Variants in DCC observed in about 807,000 individuals in gnomAD.
The protein encoded by DCC is netrin receptor DCC.
DCC carries 58 observed loss-of-function variants against 172.5 expected under a neutral mutation model. That is an observed-to-expected ratio of 0.34 (90% CI 0.27 to 0.42). The LOEUF is 0.42. DCC is among the 10% of genes least tolerant of loss of function. The pLI, the probability that DCC is intolerant of heterozygous loss-of-function variation, is 1.00. For synonymous variants in DCC, 709 were observed against 644.5 expected (o/e 1.10, Z -1.52); for missense variants, 1,740 against 1,791.0 (o/e 0.97, Z 0.51).
chr18:53,499,354 G>A lies in DCC; in HGVS notation c.3955G>A (p.Glu1319Lys). 6.2e-7 allele frequency: 1 copy of A among 1,614,046 alleles called. No individual in the cohort carries two copies. Among genetic ancestry groups the A allele is most frequent in the Non-Finnish European group, 8.5e-7 (1 of 1,179,992 alleles). ...ACCTATGCTGCCCCCATCTCAGCCT[G>A]AGCATTCTAGCAGCGAGGAGGCACC... Reference protein sequence around the residue: ...QPPMLPPSQPEHSSSEEAPSR... With the variant: ...QPPMLPPSQPKHSSSEEAPSR... The change falls in exon 27 of 29, where the codon GAG becomes AAG. Residue 1319 changes from glutamate to lysine, a missense_variant. Physicochemically the swap from Glu to Lys is moderately conservative, Grantham distance 56. Coordinates refer to ENST00000442544, the MANE Select transcript of DCC (RefSeq NM_005215.4).
At chr18:53,496,452 G>A (rs1205651560) in intron 26 of DCC, among the ~76,000 whole-genome samples, 1 of 70,682 alleles carries the variant, frequency 1.4e-5, no homozygotes, top group Non-Finnish European at 3.1e-5. Context: ...TCCATCCGAA[G>A]GTCACCAACA....
intron 1 of DCC, among the ~76,000 whole-genome samples, chr18:52,653,803 C>T (rs140571601): frequency 2.6e-5 from 4 of 152,282 alleles, no homozygotes; most frequent in Non-Finnish European, 5.9e-5. Flanking sequence ...TGCCTCTCAG[C>T]CTAACACTAA....
chr18:53,117,679 C>A lies in DCC; in HGVS notation c.1262-39677C>A, dbSNP rs189086265. On this transcript the variant is annotated intron_variant, in intron 7 of 28. Transcript: ENST00000442544. ...AAAATTCCTCTACAGCAGAGGTCAG[C>A]AAACTTTTTTTTGTAAAGACCAGGA... 9.3e-3 allele frequency among the ~76,000 whole-genome samples: 1,196 copies of A among 128,190 alleles called. 17 individuals carry two copies. Among genetic ancestry groups the A allele is most frequent in the African/African-American group, 0.029 (1,113 of 38,944 alleles). 84.1% of individuals were successfully genotyped at this position (128,190 alleles called of 152,430 possible).
chr18:52,450,501 G>A (rs1364772712), intron 1 of DCC, among the ~76,000 whole-genome samples: 1 of 152,126 alleles, frequency 6.6e-6, no homozygotes, highest in African/African-American at 2.4e-5. Context: ...TCTCAAAATT[G>A]TCCTGTTTTG....
intron 1 of DCC, among the ~76,000 whole-genome samples, chr18:52,585,240 A>T (rs533314604): frequency 6.6e-6 from 1 of 152,316 alleles, no homozygotes; most frequent in East Asian, 1.9e-4. Context: ...TGAGGAGTCA[A>T]AACTGTGGAT....
At chr18:52,475,847 T>C (rs1453751165) in intron 1 of DCC, among the ~76,000 whole-genome samples, 1 of 152,172 alleles carries the variant, frequency 6.6e-6, no homozygotes, top group Admixed American at 6.5e-5. Context: ...CCCCAGAAAC[T>C]CAGATCTTGA....
At chr18:52,874,051 TC>T (rs935112397) in intron 2 of DCC, among the ~76,000 whole-genome samples, 27 of 152,300 alleles carry the variant, frequency 1.8e-4, no homozygotes, top group African/African-American at 6.3e-4. Flanking sequence ...ACTTGTATTT[TC>T]ATCCTTTGTT....
intron 1 of DCC, among the ~76,000 whole-genome samples, chr18:52,648,854 T>G (rs1057460538): frequency 6.6e-6 from 1 of 152,198 alleles, no homozygotes; most frequent in Non-Finnish European, 1.5e-5. Context: ...CCCTTTATCA[T>G]GCAATTTTGC....
At chr18:52,934,419 T>C (rs2040352907) in intron 5 of DCC, among the ~76,000 whole-genome samples, 1 of 152,134 alleles carries the variant, frequency 6.6e-6, no homozygotes, top group South Asian at 2.1e-4. Flanking sequence ...CACAGCTAGA[T>C]AGGGAGAAAC....
chr18:52,500,940 C>G (rs868467955), intron 1 of DCC, among the ~76,000 whole-genome samples: 1 of 152,024 alleles, frequency 6.6e-6, no homozygotes, highest in Non-Finnish European at 1.5e-5. Flanking sequence ...GTAATTGACA[C>G]GTGGACATAT....
intron 2 of DCC, among the ~76,000 whole-genome samples, chr18:52,887,205 T>C (rs1310440093): frequency 6.6e-6 from 1 of 152,192 alleles, no homozygotes; most frequent in East Asian, 1.9e-4. Context: ...TTTGTGCTTT[T>C]ATCTAAATCC....
chr18:53,281,910 C>T (rs184409893), intron 12 of DCC, among the ~76,000 whole-genome samples: 7 of 152,068 alleles, frequency 4.6e-5, no homozygotes, highest in Admixed American at 6.6e-5. Context: ...TACACAGCTA[C>T]GCTGGGGTAG....
chr18:53,390,380 A>T (rs1269969431), intron 16 of DCC, among the ~76,000 whole-genome samples: 1 of 152,124 alleles, frequency 6.6e-6, no homozygotes, highest in Non-Finnish European at 1.5e-5. Flanking sequence ...AGGCATTTGA[A>T]ATGCAGTGGA....
At chr18:53,230,998 T>TG (rs1449259484) in intron 12 of DCC, among the ~76,000 whole-genome samples, 1 of 151,958 alleles carries the variant, frequency 6.6e-6, no homozygotes, top group Non-Finnish European at 1.5e-5. Flanking sequence ...GTGTTTTTTT[T>TG]TCTGAGACTA....
chr18:53,169,489 G>A (rs1394084673), intron 8 of DCC, among the ~76,000 whole-genome samples: 1 of 152,138 alleles, frequency 6.6e-6, no homozygotes, highest in African/African-American at 2.4e-5. Context: ...CAAGTGGCTT[G>A]ATTCCTTTAC....
chr18:52,619,309 C>A (rs1363142564), intron 1 of DCC, among the ~76,000 whole-genome samples: 2 of 152,210 alleles, frequency 1.3e-5, no homozygotes, highest in South Asian at 2.1e-4. Context: ...AGTATCCCTG[C>A]TAGATATATT....
Position 52,958,729 on chromosome 18 carries a change from A to C in DCC, c.985+33359A>C, listed in dbSNP as rs186402080. ...TAACTCACCTGAGTGACAGATGAGGAGGTGATATACTCAGCTGGAGAATAT... is the reference window on the plus strand; with the variant it reads ...TAACTCACCTGAGTGACAGATGAGGCGGTGATATACTCAGCTGGAGAATAT... On this transcript the variant is annotated intron_variant, in intron 5 of 28. Coordinates refer to ENST00000442544, the MANE Select transcript of DCC (RefSeq NM_005215.4). Among the ~76,000 whole-genome samples, 59 of 152,226 alleles carry C rather than the reference A, an allele frequency of 3.9e-4. 2 individuals are homozygous for C. The highest frequency in any genetic ancestry group is 1.0e-3 in the South Asian group (5 of 4,818).
At chr18:53,497,241 C>T (rs902919617) in intron 26 of DCC, among the ~76,000 whole-genome samples, 1 of 152,192 alleles carries the variant, frequency 6.6e-6, no homozygotes, top group African/African-American at 2.4e-5. Context: ...ATTTTCACTT[C>T]CCCAGAATTT....
At chr18:52,903,603 T>G (rs1269311680) in intron 2 of DCC, among the ~76,000 whole-genome samples, 1 of 152,216 alleles carries the variant, frequency 6.6e-6, no homozygotes, top group East Asian at 1.9e-4. Flanking sequence ...AACTTAAAAT[T>G]TTATTCTCAC....
Sources: allele counts gnomAD v4.1 joint callset (sites outside exome capture counted in the v4.1 genomes callset), GRCh38; gene constraint gnomAD v4.1.1; transcripts MANE v1.5; gene names NCBI Gene and HGNC (gene_info 2026-07-23, HGNC 2026-07-21).